HDAC7: variants seen among roughly 807,000 people sequenced by gnomAD.
The protein encoded by HDAC7 is histone deacetylase 7, also known as histone deacetylase 7A.
In HDAC7, 26 loss-of-function variants were observed where a neutral mutation model predicts 115.5. That is an observed-to-expected ratio of 0.23 (90% CI 0.16 to 0.31). The LOEUF is 0.31. HDAC7 is among the 10% of genes least tolerant of loss of function. The pLI is 1.00. For missense variants in HDAC7, 1,068 were observed against 1,329.0 expected, an observed-to-expected ratio of 0.80 and a Z score of 3.05; for synonymous variants, 564 against 550.9, an observed-to-expected ratio of 1.02 and a Z score of -0.33.
At chr12:47,799,272 C>T (rs765536001) in intron 2 of HDAC7, 19 of 352,900 alleles carry the variant, frequency 5.4e-5, no homozygotes, top group Non-Finnish European at 9.1e-5. Context: ...CTCCCTGGGC[C>T]GGGGGCTGAG....
intron 1 of HDAC7, chr12:47,819,179 G>A (rs1944940122): frequency 1.3e-5 from 2 of 152,458 alleles, no homozygotes; most frequent in African/African-American, 4.8e-5. Context: ...AATGCTCAGA[G>A]AAACCTCCCA....
intron 2 of HDAC7, among the ~76,000 whole-genome samples, chr12:47,799,550 T>C (rs1271419727): frequency 6.6e-6 from 1 of 152,240 alleles, no homozygotes; most frequent in African/African-American, 2.4e-5. Context: ...CAGCCAGCCC[T>C]GACCGGCCAC....
rs773884545 is a variant in HDAC7 at position 47,796,047 on chromosome 12, G to A, written c.796-31C>T. The A allele has an allele frequency of 7.0e-5, 108 of 1,543,552 alleles. No homozygotes were observed. The Middle Eastern group carries it at 1.1e-3, about 16-fold the overall frequency. On this transcript the variant is annotated intron_variant, in intron 8 of 25. Coordinates refer to ENST00000080059, the MANE Select transcript of HDAC7 (RefSeq NM_015401.5). ...ATAGGGAGCAGGGCGAGGGTCACCG[G>A]TCCCAGACCTCTACCCCGGCGCACC...
In HDAC7 at chr12:47,795,859, A is replaced by ACCACCC; in HGVS notation, c.906+46_906+47insGGGTGG. 1 of 889,746 alleles carries ACCACCC rather than the reference A, an allele frequency of 1.1e-6. No homozygotes were observed. Among genetic ancestry groups the ACCACCC allele is most frequent in the Non-Finnish European group, 1.6e-6 (1 of 617,790 alleles). The allele number at this position is 889,746 out of a possible 1,614,324, so 55.1% of individuals were successfully genotyped here. On this transcript the variant is annotated intron_variant, in intron 9 of 25. Transcript: ENST00000080059. The surrounding 1 kb of genome is among the most constrained non-coding windows in gnomAD (Gnocchi z 4.3). ...TGAGGCAGCAAGAAAAGGGAGTGAA[A>ACCACCC]GAAGCTGGGGGGGCTTGGAGTGGGG...
At chr12:47,810,450 C>A (rs1370342673) in intron 1 of HDAC7, among the ~76,000 whole-genome samples, 1 of 152,162 alleles carries the variant, frequency 6.6e-6, no homozygotes, top group Non-Finnish European at 1.5e-5. Context: ...CAAGGGGATG[C>A]AAGACACAGT....
At position 47,794,930 on chromosome 12, in the gene HDAC7, A is replaced by G. The variant is rs767719259; in HGVS notation, c.1288T>C (p.Ser430Pro). ...LKTHVQVIKR[S>P]AKPSEKPRLR... ...CGGGGCTTCTCACTCGGCTTGGCTG[A>G]CCTCTGGGGAGGGGAGAACCTGGCT... The change falls in exon 12 of 26, where the codon TCA (serine) becomes CCA (proline). Residue 430 changes from serine to proline, a missense_variant. Ser to Pro is a moderately conservative substitution (Grantham distance 74, BLOSUM62 -1). Around this residue, in one of 6 missense-constraint regions of HDAC7, gnomAD observed 618 missense variants for 701.5 expected, o/e 0.88. Transcript: ENST00000080059. 1.2e-6 allele frequency: 2 copies of G among 1,609,834 alleles called. No individual in the cohort carries two copies. The highest frequency in any genetic ancestry group is 2.7e-5 in the African/African-American group (2 of 74,606).
rs147822243 is a variant in HDAC7, at chr12:47,793,356, C to T, written c.1678+13G>A. On this transcript the variant is annotated intron_variant, in intron 13 of 25. Transcript: ENST00000080059. The surrounding 1 kb of genome is among the most constrained non-coding windows in gnomAD (Gnocchi z 4.5). ...GCCCCTCCCTCCACCCGCCACCCTC[C>T]TCCCGGTCTCACCTGTGGTGAAGGG... 1.3e-6 allele frequency: 2 copies of T among 1,494,310 alleles called. No homozygotes were observed. The highest frequency in any genetic ancestry group is 1.8e-6 in the Non-Finnish European group (2 of 1,111,116). 92.6% of individuals were successfully genotyped at this position (1,494,310 alleles called of 1,614,324 possible).
chr12:47,809,925 C>T (rs1944578081), intron 1 of HDAC7, among the ~76,000 whole-genome samples: 1 of 151,968 alleles, frequency 6.6e-6, no homozygotes, highest in Admixed American at 6.6e-5. Flanking sequence ...CTCTGTAAGG[C>T]AGATACTGTT....
intron 24 of HDAC7, chr12:47,785,178 C>A: frequency 1.8e-6 from 1 of 571,018 alleles, no homozygotes; most frequent in Non-Finnish European, 3.1e-6. Context: ...CTGGTAGGCC[C>A]TGCTGGCTCC....
chr12:47,799,686 G>A (rs59442100), intron 2 of HDAC7, among the ~76,000 whole-genome samples: 5,500 of 152,286 alleles, frequency 0.036, 329 homozygotes, highest in African/African-American at 0.13. Flanking sequence ...TGGCAGGCAC[G>A]GCTGCCTCTT....
chr12:47,787,245 C>CGG (rs1555196871), intron 21 of HDAC7, among the ~76,000 whole-genome samples: 3 of 151,718 alleles, frequency 2.0e-5, no homozygotes, highest in Admixed American at 1.3e-4. Context: ...CCAGGCCCCC[C>CGG]CCCAGCTGCC....
chr12:47,805,301 G>GCTGGGCTC (rs1200345800), intron 1 of HDAC7, among the ~76,000 whole-genome samples: 6 of 151,860 alleles, frequency 4.0e-5, no homozygotes, highest in African/African-American at 1.5e-4. Context: ...TGTTGCCCAG[G>GCTGGGCTC]CTGGGCTCCT....
In HDAC7 at chr12:47,793,462, C is replaced by A; in HGVS notation, c.1585G>T (p.Ala529Ser). Residue 529 changes from alanine (A) to serine (S), a missense_variant, in exon 13 of 26, where the codon GCA becomes TCA. Around this residue, in one of 6 missense-constraint regions of HDAC7, gnomAD observed 618 missense variants for 701.5 expected, o/e 0.88. Transcript: ENST00000080059. The surrounding 1 kb of genome is among the most constrained non-coding windows in gnomAD (Gnocchi z 4.5). The stretch of plus-strand genomic sequence containing the variant: ...TCTGGGGCTGACAGTGAGGCAGGTG[C>A]GGCTGGGGAAGACTGAGCCCGGGAC... Reference protein sequence around the residue: ...PLSRAQSSPAAPASLSAPEPA... With the variant: ...PLSRAQSSPASPASLSAPEPA... 1 of 1,554,782 alleles carries A rather than the reference C, an allele frequency of 6.4e-7. No homozygotes were observed.
In HDAC7 at chr12:47,798,331, C is replaced by A; in HGVS notation, c.350-112G>T. On this transcript the variant is annotated intron_variant, in intron 4 of 25. Coordinates refer to ENST00000080059, the MANE Select transcript of HDAC7 (RefSeq NM_015401.5). The surrounding 1 kb of genome is among the most constrained non-coding windows in gnomAD (Gnocchi z 4.3). ...CAGTAGGAGGCGTCCCAGGGACTCCCTAGGCAAGAGCCAAGCCCGAGGCCC... is the reference window on the plus strand; with the variant it reads ...CAGTAGGAGGCGTCCCAGGGACTCCATAGGCAAGAGCCAAGCCCGAGGCCC... 1.0e-6 allele frequency: 1 copy of A among 963,496 alleles called. No homozygotes were observed. Among genetic ancestry groups the A allele is most frequent in the Admixed American group, 1.8e-5 (1 of 55,600 alleles). 59.7% of individuals were successfully genotyped at this position (963,496 alleles called of 1,614,324 possible).
intron 1 of HDAC7, among the ~76,000 whole-genome samples, chr12:47,815,128 G>A (rs1210452882): frequency 2.6e-5 from 4 of 152,180 alleles, no homozygotes; most frequent in African/African-American, 9.7e-5. Flanking sequence ...CAGCAACATG[G>A]TTCCCTGGTT....
intron 1 of HDAC7, 98 bp downstream of exon 1, chr12:47,819,657 CGAGCCGGAGCCG>C (rs1031789872): frequency 8.9e-5 from 16 of 179,252 alleles, no homozygotes; most frequent in Admixed American, 6.6e-5. Context: ...GGCGGGAGCC[CGAGCCGGAGCCG>C]GAGCCGGAGC....
In HDAC7 at chr12:47,815,572, C is replaced by T. The variant is rs560833260; in HGVS notation, c.19+4195G>A. ...TAAAATCTGGATTCCCAGGCCCCAC[C>T]CCTCAGATTCTGACTAGTCAATCTG... is the stretch of plus-strand genomic sequence containing the variant. On this transcript the variant is annotated intron_variant, in intron 1 of 25. Transcript: ENST00000080059. 1.2e-4 allele frequency among the ~76,000 whole-genome samples: 19 copies of T among 152,326 alleles called. No homozygotes were observed. In the East Asian group the frequency reaches 3.7e-3, roughly 29 times the overall value.
chr12:47,802,379 G>A, intron 1 of HDAC7, 105 bp from the exon 2 acceptor site: 1 of 1,534,028 alleles, frequency 6.5e-7, no homozygotes, highest in East Asian at 2.4e-5. Flanking sequence ...CTCCAAGCTT[G>A]AGCACGCCAA....
chr12:47,785,902 G>A lies in HDAC7; in HGVS notation c.2573-17C>T. The A allele has an allele frequency of 1.3e-6, 2 of 1,574,698 alleles. No individual in the cohort carries two copies. Among genetic ancestry groups the A allele is most frequent in the Non-Finnish European group, 1.7e-6 (2 of 1,155,992 alleles). On this transcript the variant is annotated splice_polypyrimidine_tract_variant and intron_variant, in intron 22 of 25. Coordinates refer to ENST00000080059, the MANE Select transcript of HDAC7 (RefSeq NM_015401.5). ...ATCCAAAACCTAGAGGTTGGGAGGG[G>A]AGAAATGGGAGGGGCGGGAGTGGAG...
Sources: allele counts gnomAD v4.1 joint callset (sites outside exome capture counted in the v4.1 genomes callset), GRCh38; gene constraint gnomAD v4.1.1; regional missense constraint gnomAD v4.1.1; non-coding constraint Gnocchi (gnomAD v3.1); transcripts MANE v1.5; gene names NCBI Gene and HGNC (gene_info 2026-07-23, HGNC 2026-07-21).